The following EYS variants were observed in gnomAD, a reference collection of about 807,000 sequenced individuals.
EYS encodes EGF-like photoreceptor maintenance factor.
A neutral mutation model predicts 282.1 loss-of-function variants in EYS; 250 were observed. The observed-to-expected ratio is 0.89, with a 90% CI of 0.80 to 0.98. The LOEUF (loss-of-function observed/expected upper bound fraction) is 0.98. Among genes scored for constraint, EYS ranks in the 50% least tolerant of loss-of-function variants. The pLI is 0.00. For missense variants in EYS, 4,016 were observed against 3,709.0 expected (o/e 1.08, Z -2.15); for synonymous variants, 1,355 against 1,282.9 (o/e 1.06, Z -1.20).
At chr6:64,024,392 A>G (rs181227600) in intron 33 of EYS, among the ~76,000 whole-genome samples, 186 of 152,166 alleles carry the variant, frequency 1.2e-3, no homozygotes, top group African/African-American at 3.4e-3. Context: ...GGACTTGGAG[A>G]ACATCTGTGT....
chr6:64,125,385 G>A (rs556822950), intron 31 of EYS, among the ~76,000 whole-genome samples: 5 of 151,356 alleles, frequency 3.3e-5, no homozygotes, highest in African/African-American at 1.2e-4. Flanking sequence ...ATTATGCCCC[G>A]TTGTAAAAGA....
Position 65,158,490 on chromosome 6 carries a change from G to A in EYS, c.2024-100763C>T, listed in dbSNP as rs548571142. On this transcript the variant is annotated intron_variant, in intron 12 of 42. Transcript: ENST00000503581. The stretch of plus-strand genomic sequence containing the variant: ...TTATGTCATAGTCATATTCTTAGAT[G>A]CCATGTCTTGGCTCACTAGTGTTTT... Among the ~76,000 whole-genome samples, 18 of 151,020 alleles carry A rather than the reference G, an allele frequency of 1.2e-4. No individual in the cohort carries two copies. In the East Asian group the frequency reaches 3.3e-3, roughly 28 times the overall value.
chr6:63,925,758 C>T (rs1002316925), intron 35 of EYS, among the ~76,000 whole-genome samples: 6 of 152,212 alleles, frequency 3.9e-5, no homozygotes, highest in African/African-American at 1.4e-4. Flanking sequence ...ATTCTCCTGC[C>T]TCAGCCTCCC....
At chr6:64,580,983 T>C (rs1376250733) in intron 26 of EYS, among the ~76,000 whole-genome samples, 3 of 152,072 alleles carry the variant, frequency 2.0e-5, no homozygotes, top group African/African-American at 4.8e-5. Flanking sequence ...GAGATGAAGA[T>C]TTTTGGTATT....
intron 14 of EYS, among the ~76,000 whole-genome samples, chr6:64,949,170 A>T (rs1294870446): frequency 6.6e-6 from 1 of 152,054 alleles, no homozygotes; most frequent in South Asian, 2.1e-4. Flanking sequence ...AAAGATTACT[A>T]CAAGTTTCGT....
chr6:65,314,161 G>T (rs1769235720), intron 11 of EYS, among the ~76,000 whole-genome samples: 1 of 151,604 alleles, frequency 6.6e-6, no homozygotes, highest in Non-Finnish European at 1.5e-5. Context: ...ATGCTTACAT[G>T]CTTCCTTACC....
At chr6:64,874,145 G>A (rs1766675689) in intron 19 of EYS, among the ~76,000 whole-genome samples, 1 of 151,974 alleles carries the variant, frequency 6.6e-6, no homozygotes, top group African/African-American at 2.4e-5. Flanking sequence ...AAAAATCATT[G>A]ACTTTCGGAG....
At chr6:64,552,369 A>G (rs1765108507) in intron 26 of EYS, among the ~76,000 whole-genome samples, 1 of 152,164 alleles carries the variant, frequency 6.6e-6, no homozygotes, top group Admixed American at 6.5e-5. Flanking sequence ...GGGAAAATCT[A>G]CATTCTGTAG....
At chr6:64,508,750 T>G (rs1777292724) in intron 26 of EYS, among the ~76,000 whole-genome samples, 1 of 151,926 alleles carries the variant, frequency 6.6e-6, no homozygotes, top group South Asian at 2.1e-4. Flanking sequence ...AAAGCTTAAG[T>G]GATCACCAAT....
intron 29 of EYS, among the ~76,000 whole-genome samples, chr6:64,323,416 A>G (rs1582597393): frequency 6.6e-6 from 1 of 152,142 alleles, no homozygotes; most frequent in South Asian, 2.1e-4. Context: ...TTATCTATAC[A>G]TCGCTTGATT....
At position 65,541,440 on chromosome 6, in the gene EYS, C is replaced by G. The variant is rs542192655; in HGVS notation, c.-332-45447G>C. Among the ~76,000 whole-genome samples the G allele has an allele frequency of 2.0e-5, 3 of 152,170 alleles. No homozygotes were observed. In the South Asian group the frequency reaches 6.2e-4, roughly 32 times the overall value. On this transcript the variant is annotated intron_variant, in intron 2 of 42. Transcript: ENST00000503581. The stretch of plus-strand genomic sequence containing the variant: ...AGAAGATTAATTGAGCTGATTAAGC[C>G]ATCTTGTTTAAACTGAATTTGGAGG...
intron 29 of EYS, among the ~76,000 whole-genome samples, chr6:64,317,496 G>A (rs1404035102): frequency 6.7e-6 from 1 of 148,950 alleles, no homozygotes; most frequent in Non-Finnish European, 1.5e-5. Context: ...TCTCATGTCA[G>A]TTAGAACTAT....
chr6:64,280,010 T>G (rs1768249301), intron 30 of EYS, among the ~76,000 whole-genome samples: 1 of 152,178 alleles, frequency 6.6e-6, no homozygotes, highest in African/African-American at 2.4e-5. Flanking sequence ...CACGGCAGTA[T>G]GCAGAGAAAG....
intron 37 of EYS, among the ~76,000 whole-genome samples, chr6:63,792,184 G>C (rs532808707): frequency 2.8e-4 from 43 of 151,690 alleles, no homozygotes; most frequent in Non-Finnish European, 5.4e-4. Context: ...GCAAAGGACT[G>C]GGGATGCACC....
intron 22 of EYS, chr6:64,713,467 TTCTC>T: frequency 6.6e-6 from 1 of 152,140 alleles, no homozygotes; most frequent in Non-Finnish European, 1.5e-5. Context: ...AAGAATACCA[TTCTC>T]TCCATTTGTT....
intron 33 of EYS, among the ~76,000 whole-genome samples, chr6:64,022,735 A>C (rs1355106977): frequency 6.6e-6 from 1 of 152,174 alleles, no homozygotes; most frequent in Non-Finnish European, 1.5e-5. Flanking sequence ...CTGTGACTCT[A>C]AGAATAGTTT....
At chr6:64,633,570 C>A (rs900184581) in intron 22 of EYS, among the ~76,000 whole-genome samples, 9 of 148,768 alleles carry the variant, frequency 6.0e-5, no homozygotes, top group African/African-American at 2.2e-4. Context: ...TCACATTGAG[C>A]AACTGGGACT....
intron 1 of EYS, among the ~76,000 whole-genome samples, chr6:65,647,554 A>G (rs1212393150): frequency 6.6e-6 from 1 of 152,220 alleles, no homozygotes; most frequent in African/African-American, 2.4e-5. Context: ...ACCTGAAACC[A>G]TAAAGATTCT....
intron 2 of EYS, among the ~76,000 whole-genome samples, chr6:65,503,841 G>C (rs1036804809): frequency 6.6e-6 from 1 of 151,576 alleles, no homozygotes; most frequent in Non-Finnish European, 1.5e-5. Context: ...TCAATACCAG[G>C]CTACCTTGAT....
Sources: allele counts gnomAD v4.1 joint callset (sites outside exome capture counted in the v4.1 genomes callset), GRCh38; gene constraint gnomAD v4.1.1; transcripts MANE v1.5; gene names NCBI Gene and HGNC (gene_info 2026-07-23, HGNC 2026-07-21).